FAM81A: variants seen among roughly 807,000 people sequenced by gnomAD.
The protein encoded by FAM81A is family with sequence similarity 81 member A.
A neutral mutation model predicts 46.7 loss-of-function variants in FAM81A; 19 were observed. That is an observed-to-expected ratio of 0.41 (90% CI 0.28 to 0.60). FAM81A has a LOEUF of 0.60. Ranked by LOEUF, FAM81A falls within the 20% of genes least tolerant of loss-of-function variation. FAM81A has a pLI of 0.34. For missense variants in FAM81A, 377 were observed against 453.5 expected (o/e 0.83, Z 1.53); for synonymous variants, 183 against 152.9 (o/e 1.20, Z -1.45).
intron 1 of FAM81A, among the ~76,000 whole-genome samples, chr15:59,398,460 A>G (rs1236137250): frequency 3.3e-5 from 5 of 152,174 alleles, no homozygotes; most frequent in Non-Finnish European, 7.3e-5. Context: ...CCATAAAGTC[A>G]TTAGAACATG....
chr15:59,497,056 T>C (rs1027095352), intron 4 of FAM81A, among the ~76,000 whole-genome samples: 2 of 150,212 alleles, frequency 1.3e-5, no homozygotes, highest in African/African-American at 4.9e-5. Context: ...AACCTAGAGG[T>C]TGCAGTGAGC....
At chr15:59,399,291 C>T (rs1185245541) in intron 1 of FAM81A, among the ~76,000 whole-genome samples, 2 of 152,164 alleles carry the variant, frequency 1.3e-5, no homozygotes, top group Admixed American at 6.6e-5. Context: ...GGAAACATTT[C>T]CACTTTCACA....
chr15:59,467,547 C>T (rs944497212), intron 3 of FAM81A, among the ~76,000 whole-genome samples: 1 of 152,140 alleles, frequency 6.6e-6, no homozygotes, highest in Admixed American at 6.5e-5. Context: ...GTGATTTTTG[C>T]ACATTGATTT....
chr15:59,521,217 A>T, intron 8 of FAM81A, 37 bp from the exon 9 acceptor site: 3 of 1,584,390 alleles, frequency 1.9e-6, no homozygotes, highest in Non-Finnish European at 2.6e-6. Context: ...ATTTTAAAAA[A>T]ATTGTTAACT....
intron 4 of FAM81A, among the ~76,000 whole-genome samples, chr15:59,505,490 T>C (rs2082139490): frequency 6.7e-6 from 1 of 149,356 alleles, no homozygotes; most frequent in African/African-American, 2.5e-5. Flanking sequence ...CCAGCCTGGG[T>C]GACAGAGTTA....
chr15:59,508,961 G>A lies in FAM81A; in HGVS notation c.642G>A (p.Leu214=), dbSNP rs749783940. The change falls in exon 6 of 9, where the codon TTG becomes TTA. Residue 214 remains leucine (L), a synonymous_variant. Coordinates refer to ENST00000288228, the MANE Select transcript of FAM81A (RefSeq NM_152450.3). Reference sequence around the variant, plus strand: ...ACAGTAACCACCAGCTTCAGCTTTTGGACACTAAGTAAGCAATCAATTTAT... The same window carrying A: ...ACAGTAACCACCAGCTTCAGCTTTTAGACACTAAGTAAGCAATCAATTTAT... ...HRDSNHQLQL[L]DTKFKGTVEE... 2 of 1,611,674 alleles carry A rather than the reference G, an allele frequency of 1.2e-6. No individual in the cohort carries two copies. Among genetic ancestry groups the A allele is most frequent in the East Asian group, 2.2e-5 (1 of 44,786 alleles).
intron 4 of FAM81A, among the ~76,000 whole-genome samples, chr15:59,497,093 T>G (rs796155952): frequency 2.0e-5 from 3 of 151,674 alleles, no homozygotes; most frequent in African/African-American, 7.3e-5. Context: ...CACTCCAGCC[T>G]GGGTGACAGA....
At chr15:59,503,470 C>T (rs2082116688) in intron 4 of FAM81A, among the ~76,000 whole-genome samples, 2 of 151,762 alleles carry the variant, frequency 1.3e-5, no homozygotes, top group African/African-American at 4.8e-5. Flanking sequence ...TAAGTTTTTC[C>T]ACATAACATG....
intron 3 of FAM81A, among the ~76,000 whole-genome samples, chr15:59,463,658 C>T (rs1465879561): frequency 6.6e-6 from 1 of 151,872 alleles, no homozygotes; most frequent in Admixed American, 6.6e-5. Context: ...GCCTGAGCAA[C>T]ATAGTGAGAC....
At chr15:59,423,187 T>C (rs1261055230) in intron 2 of FAM81A, among the ~76,000 whole-genome samples, 2 of 152,170 alleles carry the variant, frequency 1.3e-5, no homozygotes, top group Non-Finnish European at 2.9e-5. Flanking sequence ...AAGCTCCGCC[T>C]CCCAAGTTCA....
intron 2 of FAM81A, among the ~76,000 whole-genome samples, chr15:59,415,141 T>G (rs1351249134): frequency 7.2e-6 from 1 of 139,786 alleles, no homozygotes; most frequent in African/African-American, 2.7e-5. Context: ...CTTTTCGTGA[T>G]GAAATTTTGC....
Position 59,440,701 on chromosome 15 carries a change from T to C in FAM81A, c.-78+2419T>C, listed in dbSNP as rs149147399. 1.1e-4 allele frequency among the ~76,000 whole-genome samples: 17 copies of C among 152,330 alleles called. No homozygotes were observed. In the East Asian group the frequency reaches 2.9e-3, roughly 26 times the overall value. On this transcript the variant is annotated intron_variant, in intron 1 of 8. Coordinates refer to ENST00000288228, the MANE Select transcript of FAM81A (RefSeq NM_152450.3). Reference sequence around the variant, plus strand: ...ACTACCCACATACTGCTCTGGATTTTAACCATCGCTGAGGACCCTGGTCCC... The same window carrying C: ...ACTACCCACATACTGCTCTGGATTTCAACCATCGCTGAGGACCCTGGTCCC...
At chr15:59,475,725 T>C (rs553957467) in intron 3 of FAM81A, among the ~76,000 whole-genome samples, 10 of 152,332 alleles carry the variant, frequency 6.6e-5, no homozygotes, top group South Asian at 2.1e-4. Context: ...GTAGTAACTA[T>C]ATATAATGAC....
intron 2 of FAM81A, among the ~76,000 whole-genome samples, chr15:59,428,295 T>C (rs2081203797): frequency 6.6e-6 from 1 of 152,126 alleles, no homozygotes; most frequent in South Asian, 2.1e-4. Flanking sequence ...TTACATATTG[T>C]GATTATTAAT....
intron 3 of FAM81A, among the ~76,000 whole-genome samples, chr15:59,479,350 A>G (rs1289679365): frequency 4.0e-5 from 6 of 151,858 alleles, no homozygotes; most frequent in African/African-American, 1.5e-4. Context: ...GTCTCTACTA[A>G]AAATACAAAA....
chr15:59,422,614 C>G (rs1198860952), intron 2 of FAM81A, among the ~76,000 whole-genome samples: 1 of 151,952 alleles, frequency 6.6e-6, no homozygotes, highest in Non-Finnish European at 1.5e-5. Context: ...GTAGCTGGGA[C>G]TACAGGTGCC....
intron 4 of FAM81A, among the ~76,000 whole-genome samples, chr15:59,502,514 T>C (rs937888338): frequency 6.6e-6 from 1 of 150,768 alleles, no homozygotes. Flanking sequence ...TGTGTGTGTG[T>C]GTGTGTGTGT....
chr15:59,484,911 C>T (rs1165357777), intron 3 of FAM81A, among the ~76,000 whole-genome samples: 1 of 152,066 alleles, frequency 6.6e-6, no homozygotes, highest in Non-Finnish European at 1.5e-5. Flanking sequence ...AAGGGTGAGT[C>T]CCAGGCCTGA....
At chr15:59,416,922 A>G (rs1381187709) in intron 2 of FAM81A, among the ~76,000 whole-genome samples, 2 of 152,168 alleles carry the variant, frequency 1.3e-5, no homozygotes, top group African/African-American at 4.8e-5. Flanking sequence ...ATATACAGGA[A>G]GGTGCATAGT....
Sources: gnomAD v4.1 joint callset for allele counts (sites outside exome capture counted in the v4.1 genomes callset) on GRCh38, gnomAD v4.1.1 for gene constraint, MANE v1.5 for transcripts, NCBI Gene and HGNC (gene_info 2026-07-23, HGNC 2026-07-21) for gene names.